The following GLT1D1 variants were observed in gnomAD, a reference collection of about 807,000 sequenced individuals.
GLT1D1 encodes the protein glycosyltransferase 1 domain containing 1.
In GLT1D1, 21 loss-of-function variants were observed where a neutral mutation model predicts 28.7. That is an observed-to-expected ratio of 0.73 (90% CI 0.52 to 1.05). GLT1D1 has a LOEUF of 1.05. GLT1D1 is among the 50% of genes least tolerant of loss of function. The pLI is 0.00. For missense variants in GLT1D1, 343 were observed against 330.6 expected, an observed-to-expected ratio of 1.04 and a Z score of -0.29; for synonymous variants, 147 against 124.8, an observed-to-expected ratio of 1.18 and a Z score of -1.19.
At chr12:128,931,465 G>A (rs948292120) in intron 4 of GLT1D1, among the ~76,000 whole-genome samples, 2 of 150,686 alleles carry the variant, frequency 1.3e-5, no homozygotes, top group South Asian at 2.1e-4. Context: ...CTACCACTAC[G>A]TCCGGCAAAT....
intron 4 of GLT1D1, among the ~76,000 whole-genome samples, chr12:128,908,766 G>A (rs764338790): frequency 1.3e-5 from 2 of 151,908 alleles, no homozygotes; most frequent in Admixed American, 6.6e-5. Flanking sequence ...TGGCTAACAC[G>A]GTGAAACCCC....
intron 7 of GLT1D1, among the ~76,000 whole-genome samples, chr12:128,973,793 C>T (rs529296263): frequency 1.3e-5 from 2 of 152,156 alleles, no homozygotes; most frequent in South Asian, 2.1e-4. Flanking sequence ...CTCGGCCCAT[C>T]GTCTGGAAAG....
intron 7 of GLT1D1, among the ~76,000 whole-genome samples, chr12:128,973,297 C>T (rs1304736778): frequency 1.3e-5 from 2 of 148,356 alleles, no homozygotes; most frequent in Non-Finnish European, 3.0e-5. Context: ...ATTCTCCTGC[C>T]TCAGCCTCCC....
chr12:128,870,720 G>A (rs1428535648), intron 1 of GLT1D1, among the ~76,000 whole-genome samples: 4 of 152,232 alleles, frequency 2.6e-5, no homozygotes, highest in Admixed American at 1.3e-4. Flanking sequence ...GGCTGGGCAC[G>A]GCGGCACACG....
At chr12:128,913,681 C>A (rs551138590) in intron 4 of GLT1D1, among the ~76,000 whole-genome samples, 1 of 152,216 alleles carries the variant, frequency 6.6e-6, no homozygotes, top group Non-Finnish European at 1.5e-5. Context: ...GGTGCTCAGG[C>A]GCACCTTAGT....
chr12:128,958,586 C>CAAAAAAAAAAAAAAAA (rs1164628353), intron 7 of GLT1D1, among the ~76,000 whole-genome samples: 1 of 74,438 alleles, frequency 1.3e-5, no homozygotes, highest in African/African-American at 5.2e-5. Context: ...ATTAAAAAGA[C>CAAAAAAAAAAAAAAAA]AAAAAAAAAA....
chr12:128,896,022 C>T (rs1037198439), intron 3 of GLT1D1, among the ~76,000 whole-genome samples: 6 of 152,116 alleles, frequency 3.9e-5, no homozygotes, highest in Admixed American at 6.5e-5. Context: ...GACTGAGGAC[C>T]GGACCATTCA....
At chr12:128,933,814 A>G (rs1325857337) in intron 4 of GLT1D1, among the ~76,000 whole-genome samples, 2 of 152,200 alleles carry the variant, frequency 1.3e-5, no homozygotes, top group Non-Finnish European at 2.9e-5. Context: ...ACACTTCTGA[A>G]TACAGAACTA....
At chr12:128,904,283 C>CT (rs1247932968) in intron 4 of GLT1D1, among the ~76,000 whole-genome samples, 1 of 151,752 alleles carries the variant, frequency 6.6e-6, no homozygotes, top group Non-Finnish European at 1.5e-5. Context: ...TTGATAAAGA[C>CT]TTTTTTTAAA....
At chr12:128,924,827 C>T (rs1034002405) in intron 4 of GLT1D1, among the ~76,000 whole-genome samples, 8 of 152,088 alleles carry the variant, frequency 5.3e-5, no homozygotes, top group Non-Finnish European at 8.8e-5. Context: ...AGTCTTCCCC[C>T]GCCCAGGCTT....
intron 4 of GLT1D1, among the ~76,000 whole-genome samples, chr12:128,938,420 C>T (rs1383377901): frequency 6.6e-6 from 1 of 152,152 alleles, no homozygotes; most frequent in East Asian, 1.9e-4. Flanking sequence ...TGAAGGCTAA[C>T]AGCAAATTTT....
chr12:128,967,437 C>T (rs1452876576), intron 7 of GLT1D1, among the ~76,000 whole-genome samples: 4 of 152,210 alleles, frequency 2.6e-5, no homozygotes, highest in South Asian at 2.1e-4. Flanking sequence ...GCCCTCTGCT[C>T]GATGCTTCTT....
chr12:128,868,781 C>T (rs1956611595), intron 1 of GLT1D1, among the ~76,000 whole-genome samples: 1 of 152,190 alleles, frequency 6.6e-6, no homozygotes, highest in African/African-American at 2.4e-5. Flanking sequence ...TCACATTAAA[C>T]ATAGCAAAAA....
chr12:128,938,388 T>G (rs1874778743), intron 4 of GLT1D1, among the ~76,000 whole-genome samples: 1 of 152,212 alleles, frequency 6.6e-6, no homozygotes, highest in Non-Finnish European at 1.5e-5. Context: ...TCTTTTAAAT[T>G]TTCTTATGCA....
chr12:128,931,122 C>T (rs1260475921), intron 4 of GLT1D1, among the ~76,000 whole-genome samples: 1 of 151,628 alleles, frequency 6.6e-6, no homozygotes, highest in East Asian at 1.9e-4. Flanking sequence ...CTGCCTCAGA[C>T]TCCTTAGTAG....
At chr12:128,978,937 G>A (rs963701901) in intron 7 of GLT1D1, among the ~76,000 whole-genome samples, 6 of 152,152 alleles carry the variant, frequency 3.9e-5, no homozygotes, top group Non-Finnish European at 7.3e-5. Flanking sequence ...CATGCTCATC[G>A]TCCTCTTGGT....
chr12:128,942,362 AG>A (rs1875390927), intron 4 of GLT1D1, among the ~76,000 whole-genome samples: 2 of 152,358 alleles, frequency 1.3e-5, no homozygotes, highest in South Asian at 4.1e-4. Flanking sequence ...AGTTTTATAA[AG>A]AATGAAGTGT....
chr12:128,931,062 C>A (rs1323734149), intron 4 of GLT1D1, among the ~76,000 whole-genome samples: 1 of 148,082 alleles, frequency 6.8e-6, no homozygotes, highest in African/African-American at 2.5e-5. Context: ...AGCGCAATGG[C>A]GTGATCTTGG....
intron 2 of GLT1D1, among the ~76,000 whole-genome samples, chr12:128,880,986 T>A (rs1957017603): frequency 7.0e-6 from 1 of 142,502 alleles, no homozygotes; most frequent in Non-Finnish European, 1.5e-5. Context: ...GCACTTTGGG[T>A]GGTGGAGACG....
Sources: gnomAD v4.1 joint callset for allele counts (sites outside exome capture counted in the v4.1 genomes callset) on GRCh38, gnomAD v4.1.1 for gene constraint, MANE v1.5 for transcripts, NCBI Gene and HGNC (gene_info 2026-07-23, HGNC 2026-07-21) for gene names.